Variants in EIF4G3 observed in about 807,000 individuals in gnomAD.
The protein encoded by EIF4G3 is eukaryotic translation initiation factor 4 gamma 3, also known as eIF-4-gamma 3.
A neutral mutation model predicts 186.4 loss-of-function variants in EIF4G3; 34 were observed. That is an observed-to-expected ratio of 0.18 (90% CI 0.14 to 0.24). The LOEUF (loss-of-function observed/expected upper bound fraction) is 0.24, where lower values mean the gene tolerates loss of function less well. EIF4G3 is among the 10% of genes least tolerant of loss of function. The pLI is 1.00. For synonymous variants in EIF4G3, 673 were observed against 679.5 expected (o/e 0.99, Z 0.15); for missense variants, 1,536 against 1,948.5 (o/e 0.79, Z 3.99).
At chr1:20,862,594 G>A (rs1272438777) in intron 22 of EIF4G3, among the ~76,000 whole-genome samples, 1 of 151,950 alleles carries the variant, frequency 6.6e-6, no homozygotes, top group African/African-American at 2.4e-5. Context: ...TTAATTTTTT[G>A]TAGAGACAGG....
chr1:21,121,733 C>A (rs1188471937), intron 2 of EIF4G3, among the ~76,000 whole-genome samples: 1 of 151,634 alleles, frequency 6.6e-6, no homozygotes, highest in Non-Finnish European at 1.5e-5. Context: ...CAAGATCATG[C>A]CATTGCACTC....
intron 20 of EIF4G3, among the ~76,000 whole-genome samples, chr1:20,868,787 G>T (rs1459267282): frequency 6.6e-6 from 1 of 152,086 alleles, no homozygotes; most frequent in Non-Finnish European, 1.5e-5. Flanking sequence ...TTTTAGGAAG[G>T]CTGCTTGATA....
chr1:21,127,102 C>T (rs2097060664), intron 2 of EIF4G3, among the ~76,000 whole-genome samples: 4 of 152,192 alleles, frequency 2.6e-5, no homozygotes, highest in Middle Eastern at 6.8e-3. Context: ...CCCACTTCAG[C>T]GCCCTACCCC....
intron 4 of EIF4G3, among the ~76,000 whole-genome samples, chr1:21,015,609 T>A (rs981514851): frequency 6.6e-6 from 1 of 151,858 alleles, no homozygotes; most frequent in African/African-American, 2.4e-5. Context: ...AAACAAATTT[T>A]TAAGGTAAAA....
intron 2 of EIF4G3, among the ~76,000 whole-genome samples, chr1:21,166,429 C>T (rs547147426): frequency 2.6e-5 from 4 of 152,024 alleles, no homozygotes; most frequent in South Asian, 2.1e-4. Flanking sequence ...GACCCCATCT[C>T]GAAAAAATGA....
intron 2 of EIF4G3, among the ~76,000 whole-genome samples, chr1:21,129,729 C>A (rs1246003421): frequency 6.6e-6 from 1 of 151,998 alleles, no homozygotes; most frequent in African/African-American, 2.4e-5. Context: ...ACCCCCCACC[C>A]CAATTCCAGT....
intron 34 of EIF4G3, 124 bp from the exon 35 acceptor site, chr1:20,813,363 G>T: frequency 5.0e-6 from 2 of 399,764 alleles, no homozygotes; most frequent in Non-Finnish European, 9.3e-6. Flanking sequence ...TAGGAGTTGA[G>T]ACCAGTCTGG....
intron 3 of EIF4G3, among the ~76,000 whole-genome samples, chr1:21,072,342 T>C (rs1460293661): frequency 6.6e-6 from 1 of 152,210 alleles, no homozygotes; most frequent in South Asian, 2.1e-4. Flanking sequence ...GACGCCAGTG[T>C]GGGCAACATA....
At chr1:20,929,494 T>C (rs963344252) in intron 14 of EIF4G3, 4 of 152,222 alleles carry the variant, frequency 2.6e-5, no homozygotes, top group Non-Finnish European at 4.4e-5. Flanking sequence ...TTGAGCTTCC[T>C]TTCTTTGGAA....
intron 3 of EIF4G3, among the ~76,000 whole-genome samples, chr1:21,078,966 C>T (rs1486682430): frequency 3.3e-5 from 5 of 152,072 alleles, no homozygotes; most frequent in Admixed American, 6.5e-5. Context: ...ACCTGGGCAA[C>T]GCAGTGAGAC....
chr1:20,851,160 T>C lies in EIF4G3; in HGVS notation c.3772+98A>G, dbSNP rs1453540603. On this transcript the variant is annotated intron_variant, in intron 28 of 36. Transcript: ENST00000602326. ...CAGATGCTGGTATGTGTTGCTATTATGTGTTAATTCTAAAATCTACTCAGG... is the reference window on the plus strand; with the variant it reads ...CAGATGCTGGTATGTGTTGCTATTACGTGTTAATTCTAAAATCTACTCAGG... 40 of 1,061,296 alleles carry C rather than the reference T, an allele frequency of 3.8e-5. No homozygotes were observed. The East Asian group carries it at 7.9e-4, about 21-fold the overall frequency. 65.7% of individuals were successfully genotyped at this position (1,061,296 alleles called of 1,614,324 possible).
At chr1:20,981,262 T>C (rs2077898636) in intron 8 of EIF4G3, 35 bp from the exon 9 acceptor site, 2 of 1,471,652 alleles carry the variant, frequency 1.4e-6, no homozygotes, top group Admixed American at 2.2e-5. Context: ...TTTTTTTTTT[T>C]TTTAACACAG....
intron 2 of EIF4G3, among the ~76,000 whole-genome samples, chr1:21,118,427 T>A (rs1012350080): frequency 6.6e-6 from 1 of 152,218 alleles, no homozygotes; most frequent in East Asian, 1.9e-4. Context: ...ACAGGTAGCA[T>A]AAAGCATCAT....
chr1:20,817,579 A>G, intron 33 of EIF4G3, 41 bp from the exon 34 acceptor site: 4 of 1,267,694 alleles, frequency 3.2e-6, no homozygotes, highest in African/African-American at 1.5e-5. Flanking sequence ...TATTAATATA[A>G]TTCTATGTTA....
intron 5 of EIF4G3, among the ~76,000 whole-genome samples, chr1:21,002,333 T>A (rs2154568970): frequency 6.6e-6 from 1 of 152,344 alleles, no homozygotes; most frequent in South Asian, 2.1e-4. Flanking sequence ...GAGAATTTAA[T>A]TAGTGAAATT....
At chr1:21,104,615 G>A (rs2096582881) in intron 2 of EIF4G3, among the ~76,000 whole-genome samples, 1 of 152,164 alleles carries the variant, frequency 6.6e-6, no homozygotes, top group Non-Finnish European at 1.5e-5. Context: ...CTTATATACT[G>A]CTAGTGTGGA....
rs901618323 is a variant in EIF4G3 at position 20,993,742 on chromosome 1, G to A, written c.177+3859C>T. 6.6e-5 allele frequency among the ~76,000 whole-genome samples: 10 copies of A among 152,112 alleles called. No homozygotes were observed. The South Asian group carries it at 8.3e-4, about 13-fold the overall frequency. Reference sequence around the variant, plus strand: ...TCACTGGCCAAAGCAAACTACCACCGATGAAAAAACCATTTCTGCCTTCAA... The same window carrying A: ...TCACTGGCCAAAGCAAACTACCACCAATGAAAAAACCATTTCTGCCTTCAA... On this transcript the variant is annotated intron_variant, in intron 7 of 36. Coordinates refer to ENST00000602326, the MANE Select transcript of EIF4G3 (RefSeq NM_001391906.1).
At chr1:21,038,701 G>C (rs1055733304) in intron 4 of EIF4G3, among the ~76,000 whole-genome samples, 1 of 152,054 alleles carries the variant, frequency 6.6e-6, no homozygotes, top group African/African-American at 2.4e-5. Context: ...CTTCAAATTA[G>C]ATTTTTAAGT....
chr1:20,864,759 C>G, intron 21 of EIF4G3, 47 bp from the exon 22 acceptor site: 1 of 1,452,602 alleles, frequency 6.9e-7, no homozygotes, highest in Non-Finnish European at 9.6e-7. Context: ...GAAAGTTGTA[C>G]TGCACAATAA....
Sources: allele counts gnomAD v4.1 joint callset (sites outside exome capture counted in the v4.1 genomes callset), GRCh38; gene constraint gnomAD v4.1.1; transcripts MANE v1.5; gene names NCBI Gene and HGNC (gene_info 2026-07-23, HGNC 2026-07-21).